The following LHFPL3 variants were observed in gnomAD, a reference collection of about 807,000 sequenced individuals.
LHFPL3 encodes LHFPL tetraspan subfamily member 3, also known as LHFPL tetraspan subfamily member 3 protein.
LHFPL3 carries 5 observed loss-of-function variants against 19.3 expected under a neutral mutation model. The observed-to-expected ratio is 0.26, with a 90% CI of 0.14 to 0.54. The LOEUF is 0.54. Ranked by LOEUF, LHFPL3 falls within the 20% of genes least tolerant of loss-of-function variation. The pLI, the probability that LHFPL3 is intolerant of heterozygous loss-of-function variation, is 0.94. For missense variants in LHFPL3, 249 were observed against 307.4 expected (o/e 0.81, Z 1.42); for synonymous variants, 133 against 126.2 (o/e 1.05, Z -0.36).
intron 1 of LHFPL3, among the ~76,000 whole-genome samples, chr7:104,347,810 T>C (rs1790100731): frequency 6.6e-6 from 1 of 151,732 alleles, no homozygotes; most frequent in Non-Finnish European, 1.5e-5. Context: ...GAGAATCTCT[T>C]GAACCCGGGA....
chr7:104,766,744 G>A (rs907926991), intron 2 of LHFPL3, among the ~76,000 whole-genome samples: 1 of 152,162 alleles, frequency 6.6e-6, no homozygotes, highest in African/African-American at 2.4e-5. Flanking sequence ...GAGAAAGAGA[G>A]CAAACATTCC....
At chr7:104,393,467 CA>C (rs1791119446) in intron 1 of LHFPL3, among the ~76,000 whole-genome samples, 1 of 152,244 alleles carries the variant, frequency 6.6e-6, no homozygotes, top group East Asian at 1.9e-4. Flanking sequence ...CCTGTAATCC[CA>C]ACACTTTGGG....
chr7:104,554,425 T>C (rs1172524319), intron 1 of LHFPL3, among the ~76,000 whole-genome samples: 1 of 152,134 alleles, frequency 6.6e-6, no homozygotes, highest in Non-Finnish European at 1.5e-5. Context: ...TTTTGGGATA[T>C]ACTTTATCCC....
chr7:104,413,015 T>C (rs910083376), intron 1 of LHFPL3, among the ~76,000 whole-genome samples: 1 of 152,220 alleles, frequency 6.6e-6, no homozygotes, highest in African/African-American at 2.4e-5. Flanking sequence ...AGGGACAGAA[T>C]GGATTACAAA....
At chr7:104,415,363 G>A (rs933572332) in intron 1 of LHFPL3, among the ~76,000 whole-genome samples, 7 of 152,118 alleles carry the variant, frequency 4.6e-5, no homozygotes, top group Admixed American at 1.3e-4. Context: ...ATATCAAAAA[G>A]TGTTACATGA....
intron 1 of LHFPL3, among the ~76,000 whole-genome samples, chr7:104,490,130 T>C (rs945952090): frequency 6.6e-6 from 1 of 152,202 alleles, no homozygotes; most frequent in Admixed American, 6.5e-5. Context: ...TTAAATTGTT[T>C]TCATGGTTTT....
intron 1 of LHFPL3, among the ~76,000 whole-genome samples, chr7:104,664,337 TCTTTTTGAATA>T (rs577298915): frequency 2.4e-3 from 363 of 152,338 alleles, no homozygotes; most frequent in Middle Eastern, 3.4e-3. Context: ...ACCCTCCAAT[TCTTTTTGAATA>T]CATGCTAAAA....
At chr7:104,542,038 C>G (rs1179599725) in intron 1 of LHFPL3, among the ~76,000 whole-genome samples, 1 of 151,944 alleles carries the variant, frequency 6.6e-6, no homozygotes, top group African/African-American at 2.4e-5. Context: ...AAGTGGGCAT[C>G]TCAGTGCAGT....
intron 2 of LHFPL3, among the ~76,000 whole-genome samples, chr7:104,804,813 C>G (rs1790323461): frequency 6.6e-6 from 1 of 152,208 alleles, no homozygotes; most frequent in African/African-American, 2.4e-5. Flanking sequence ...TGACCAATAT[C>G]TTGATTGCAT....
At chr7:104,805,365 C>G (rs773143182) in intron 2 of LHFPL3, among the ~76,000 whole-genome samples, 5 of 152,172 alleles carry the variant, frequency 3.3e-5, no homozygotes, top group Non-Finnish European at 7.3e-5. Context: ...TAATTGCTTC[C>G]TGAAAGAGAT....
intron 1 of LHFPL3, among the ~76,000 whole-genome samples, chr7:104,710,222 C>G (rs1191548546): frequency 6.6e-6 from 1 of 152,230 alleles, no homozygotes; most frequent in Non-Finnish European, 1.5e-5. Context: ...AGTTGGTCAA[C>G]TTCTTAAAGT....
At chr7:104,521,593 G>C (rs1794064924) in intron 1 of LHFPL3, among the ~76,000 whole-genome samples, 1 of 151,936 alleles carries the variant, frequency 6.6e-6, no homozygotes, top group South Asian at 2.1e-4. Context: ...CCATCAGAGT[G>C]AACAGGCAAC....
intron 1 of LHFPL3, among the ~76,000 whole-genome samples, chr7:104,538,462 A>T (rs1794428015): frequency 6.6e-6 from 1 of 152,156 alleles, no homozygotes; most frequent in Admixed American, 6.5e-5. Flanking sequence ...CATTCACTGG[A>T]TGTTGGAGAA....
intron 1 of LHFPL3, among the ~76,000 whole-genome samples, chr7:104,679,903 T>C (rs909897644): frequency 4.6e-5 from 7 of 152,200 alleles, no homozygotes; most frequent in African/African-American, 1.7e-4. Flanking sequence ...TCATTCTATT[T>C]GAAATAACTC....
intron 2 of LHFPL3, among the ~76,000 whole-genome samples, chr7:104,893,951 C>CAAAAAA (rs34793599): frequency 7.4e-6 from 1 of 135,366 alleles, no homozygotes. Flanking sequence ...GACTCCATCT[C>CAAAAAA]AAAAAAAAAA....
At chr7:104,541,656 T>G (rs768933428) in intron 1 of LHFPL3, among the ~76,000 whole-genome samples, 5 of 152,160 alleles carry the variant, frequency 3.3e-5, no homozygotes, top group Non-Finnish European at 5.9e-5. Flanking sequence ...TCTTAAGTGA[T>G]TAAGTGTATA....
At chr7:104,587,480 T>C (rs1790604594) in intron 1 of LHFPL3, among the ~76,000 whole-genome samples, 2 of 152,344 alleles carry the variant, frequency 1.3e-5, no homozygotes, top group South Asian at 4.1e-4. Context: ...TAGTATTCCA[T>C]GGTGTATATG....
chr7:104,679,599 A>G (rs1249874535), intron 1 of LHFPL3, among the ~76,000 whole-genome samples: 1 of 152,266 alleles, frequency 6.6e-6, no homozygotes, highest in Admixed American at 6.5e-5. Flanking sequence ...GCAAAGCCAC[A>G]GTTAGAACCT....
At chr7:104,651,049 G>C (rs772279437) in intron 1 of LHFPL3, among the ~76,000 whole-genome samples, 9 of 152,170 alleles carry the variant, frequency 5.9e-5, no homozygotes, top group Non-Finnish European at 1.2e-4. Context: ...CGGGGTAAGA[G>C]AGCAGCCACC....
Sources: gnomAD v4.1 joint callset for allele counts (sites outside exome capture counted in the v4.1 genomes callset) on GRCh38, gnomAD v4.1.1 for gene constraint, MANE v1.5 for transcripts, NCBI Gene and HGNC (gene_info 2026-07-23, HGNC 2026-07-21) for gene names.